CNTN5: variants seen among roughly 807,000 people sequenced by gnomAD.
CNTN5 encodes the protein contactin 5, also known as contactin-5.
A neutral mutation model predicts 129.1 loss-of-function variants in CNTN5; 77 were observed. The ratio of observed to expected loss-of-function variants is 0.60; its 90% CI spans 0.50 to 0.72. The LOEUF (loss-of-function observed/expected upper bound fraction) is 0.72. Among genes scored for constraint, CNTN5 ranks in the 30% least tolerant of loss-of-function variants. The pLI is 0.00. For synonymous variants in CNTN5, 509 were observed against 465.6 expected, an observed-to-expected ratio of 1.09 and a Z score of -1.20; for missense variants, 1,478 against 1,328.8, an observed-to-expected ratio of 1.11 and a Z score of -1.75.
Position 99,380,782 on chromosome 11 carries a change from A to AAG in CNTN5, c.-71+55299_-71+55300insGA, listed in dbSNP as rs1555126510. 1.5e-3 allele frequency among the ~76,000 whole-genome samples: 201 copies of AAG among 137,826 alleles called. No homozygotes were observed. The Middle Eastern group carries it at 0.02, about 14-fold the overall frequency. The allele number at this position is 137,826 out of a possible 152,430, so 90.4% of individuals were successfully genotyped here. On this transcript the variant is annotated intron_variant, in intron 2 of 24. Coordinates refer to ENST00000524871, the MANE Select transcript of CNTN5 (RefSeq NM_014361.4). The stretch of plus-strand genomic sequence containing the variant: ...AAACTCTATCTCAAAAAAAAAAAAA[A>AAG]AAAAGAAAAGAAAAAAGAAAAGAAA...
intron 1 of CNTN5, among the ~76,000 whole-genome samples, chr11:99,040,217 AAAAATAT>A (rs1310430994): frequency 7.9e-5 from 12 of 152,124 alleles, no homozygotes; most frequent in Non-Finnish European, 2.9e-5. Context: ...TAAAGATAGG[AAAAATAT>A]AAAATATAAT....
At chr11:99,902,390 C>T (rs148470662) in intron 6 of CNTN5, among the ~76,000 whole-genome samples, 59 of 152,136 alleles carry the variant, frequency 3.9e-4, no homozygotes, top group African/African-American at 1.1e-3. Flanking sequence ...TACTAAGTGA[C>T]CCTTTCTAGA....
At chr11:99,117,644 G>A (rs989547715) in intron 1 of CNTN5, among the ~76,000 whole-genome samples, 7 of 152,116 alleles carry the variant, frequency 4.6e-5, no homozygotes, top group African/African-American at 1.7e-4. Flanking sequence ...CAATGTATTG[G>A]TATTTGGAAG....
chr11:100,012,480 G>A (rs1940589921), intron 9 of CNTN5, among the ~76,000 whole-genome samples: 1 of 152,134 alleles, frequency 6.6e-6, no homozygotes, highest in South Asian at 2.1e-4. Context: ...ACTGAGAGGT[G>A]TTATGTGTTT....
chr11:99,322,887 T>C (rs1865627852), intron 1 of CNTN5, among the ~76,000 whole-genome samples: 1 of 152,198 alleles, frequency 6.6e-6, no homozygotes, highest in Non-Finnish European at 1.5e-5. Flanking sequence ...CATGTTAGAT[T>C]AAAAAATCAC....
chr11:100,266,323 T>C (rs540966084), intron 17 of CNTN5, among the ~76,000 whole-genome samples: 2 of 152,242 alleles, frequency 1.3e-5, no homozygotes, highest in Admixed American at 1.3e-4. Flanking sequence ...TGTCTTTCGT[T>C]GCTGTCATGT....
chr11:100,115,963 A>C (rs1045413467), intron 13 of CNTN5, among the ~76,000 whole-genome samples: 14 of 152,054 alleles, frequency 9.2e-5, no homozygotes, highest in African/African-American at 1.2e-4. Flanking sequence ...GCCAATGACC[A>C]CAAGAGGGAT....
chr11:99,215,143 A>G (rs56127422), intron 1 of CNTN5, among the ~76,000 whole-genome samples: 21,232 of 152,158 alleles, frequency 0.14, 1,555 homozygotes, highest in African/African-American at 0.17. Context: ...AATGGAAATT[A>G]AACTATACTT....
chr11:99,827,945 C>A (rs1280881825), intron 4 of CNTN5, among the ~76,000 whole-genome samples: 1 of 152,060 alleles, frequency 6.6e-6, no homozygotes, highest in East Asian at 1.9e-4. Flanking sequence ...CAGAGATGTA[C>A]TTTTTACATT....
intron 1 of CNTN5, among the ~76,000 whole-genome samples, chr11:99,223,684 A>T (rs1565415967): frequency 6.6e-6 from 1 of 152,188 alleles, no homozygotes; most frequent in South Asian, 2.1e-4. Context: ...AGTCCCCATT[A>T]TTCCAGGAAC....
At chr11:99,266,408 A>C (rs1862892349) in intron 1 of CNTN5, among the ~76,000 whole-genome samples, 1 of 151,978 alleles carries the variant, frequency 6.6e-6, no homozygotes, top group South Asian at 2.1e-4. Flanking sequence ...AGACCAACCT[A>C]GAAAACTTGG....
chr11:100,115,485 T>G (rs1156730748), intron 13 of CNTN5, among the ~76,000 whole-genome samples: 1 of 151,770 alleles, frequency 6.6e-6, no homozygotes, highest in Non-Finnish European at 1.5e-5. Context: ...GGGGAAGAAG[T>G]TGAGTATATA....
chr11:100,024,655 G>C (rs1255388241), intron 9 of CNTN5, among the ~76,000 whole-genome samples: 1 of 152,184 alleles, frequency 6.6e-6, no homozygotes, highest in Non-Finnish European at 1.5e-5. Flanking sequence ...TGAGGAACTT[G>C]TTGGTGACTG....
chr11:99,379,200 G>A (rs1311266516), intron 2 of CNTN5, among the ~76,000 whole-genome samples: 2 of 120,008 alleles, frequency 1.7e-5, no homozygotes, highest in African/African-American at 6.2e-5. Context: ...TTTTACTGTT[G>A]TATCACCAGT....
chr11:99,639,604 T>G (rs2934759), intron 3 of CNTN5, among the ~76,000 whole-genome samples: 80,754 of 135,254 alleles, frequency 0.6, 25,225 homozygotes, highest in Admixed American at 0.69. Flanking sequence ...TTATCTTGCT[T>G]CCCAGGCTGG....
chr11:99,454,121 C>T (rs1445545625), intron 2 of CNTN5, among the ~76,000 whole-genome samples: 1 of 151,900 alleles, frequency 6.6e-6, no homozygotes, highest in African/African-American at 2.4e-5. Context: ...AAAGAAATGT[C>T]TGAACAATTT....
chr11:99,877,929 T>C (rs1170618809), intron 6 of CNTN5, among the ~76,000 whole-genome samples: 1 of 152,206 alleles, frequency 6.6e-6, no homozygotes, highest in East Asian at 1.9e-4. Context: ...AGTTTATTGC[T>C]TTGAAGGGTA....
intron 2 of CNTN5, among the ~76,000 whole-genome samples, chr11:99,399,664 A>G (rs1207378937): frequency 6.6e-6 from 1 of 151,838 alleles, no homozygotes; most frequent in Non-Finnish European, 1.5e-5. Context: ...CTCTTAAAAT[A>G]ACTTTATATG....
chr11:99,684,787 G>A (rs1381196284), intron 3 of CNTN5, among the ~76,000 whole-genome samples: 2 of 151,256 alleles, frequency 1.3e-5, no homozygotes, highest in South Asian at 2.1e-4. Context: ...CATATCTGAG[G>A]GATCTATATT....
Sources: gnomAD v4.1 joint callset for allele counts (sites outside exome capture counted in the v4.1 genomes callset) on GRCh38, gnomAD v4.1.1 for gene constraint, MANE v1.5 for transcripts, NCBI Gene and HGNC (gene_info 2026-07-23, HGNC 2026-07-21) for gene names.